The following DHRS3 variants were observed in gnomAD, a reference collection of about 807,000 sequenced individuals.
The protein encoded by DHRS3 is dehydrogenase/reductase 3, also known as short-chain dehydrogenase/reductase 3.
Under a neutral mutation model 27.2 loss-of-function variants are expected in DHRS3, and 14 were observed. The ratio of observed to expected loss-of-function variants is 0.52; its 90% CI spans 0.34 to 0.81. The LOEUF is 0.81. Among genes scored for constraint, DHRS3 ranks in the 30% least tolerant of loss-of-function variants. The pLI, the probability that DHRS3 is intolerant of heterozygous loss-of-function variation, is 0.01. For synonymous variants in DHRS3, 165 were observed against 175.9 expected, an observed-to-expected ratio of 0.94 and a Z score of 0.49; for missense variants, 322 against 406.2, an observed-to-expected ratio of 0.79 and a Z score of 1.78.
At chr1:12,585,737 T>C (rs960508475) in intron 1 of DHRS3, among the ~76,000 whole-genome samples, 8 of 152,310 alleles carry the variant, frequency 5.3e-5, no homozygotes, top group African/African-American at 1.7e-4. Flanking sequence ...CTGCCAGAAT[T>C]CCCTGGAGGT....
At chr1:12,568,823 A>C (rs1481585457) in intron 5 of DHRS3, among the ~76,000 whole-genome samples, 1 of 152,124 alleles carries the variant, frequency 6.6e-6, no homozygotes, top group Non-Finnish European at 1.5e-5. Flanking sequence ...GCTACTGGGG[A>C]GGCTGAGGTG....
chr1:12,579,129 A>G, intron 3 of DHRS3, 164 bp downstream of exon 3: 1 of 1,344,450 alleles, frequency 7.4e-7, no homozygotes, highest in Non-Finnish European at 1.0e-6. Flanking sequence ...ATATTTCACA[A>G]AGTCTGATGT....
Position 12,579,395 on chromosome 1 carries a change from G to A in DHRS3, c.357C>T (p.Ile119=). The change falls in exon 3 of 6, where the codon ATC becomes ATT. Residue 119 remains isoleucine, a synonymous_variant. Transcript: ENST00000616661. The part of the protein sequence containing the change: ...AVREKVGDIT[I]LVNNAAVVHG... ...GGACCACGGCGGCATTGTTCACCAG[G>A]ATGGTGATGTCACCCACCTGCAGGC... 4 of 1,614,118 alleles carry A rather than the reference G, an allele frequency of 2.5e-6. No homozygotes were observed. The highest frequency in any genetic ancestry group is 3.4e-6 in the Non-Finnish European group (4 of 1,179,980).
rs1311989050 is a variant in DHRS3, at chr1:12,617,822, T to A, written c.-474A>T. On this transcript the variant is annotated 5_prime_UTR_variant, in exon 1 of 6. Coordinates refer to ENST00000616661, the MANE Select transcript of DHRS3 (RefSeq NM_004753.7). Reference sequence around the variant, plus strand: ...AAAAAAAAAAAAAAAAAAAGCTGATTCCAAATTGTAGCGCCCCCACCCCCA... The same window carrying A: ...AAAAAAAAAAAAAAAAAAAGCTGATACCAAATTGTAGCGCCCCCACCCCCA... 1.7e-5 allele frequency: 1 copy of A among 58,118 alleles called. No individual in the cohort carries two copies. The highest frequency in any genetic ancestry group is 6.6e-5 in the African/African-American group (1 of 15,068). The allele number at this position is 58,118 out of a possible 1,614,324, so 3.6% of individuals were successfully genotyped here.
intron 1 of DHRS3, chr1:12,616,671 C>T (rs1368126633): frequency 1.0e-6 from 1 of 998,544 alleles, no homozygotes; most frequent in Non-Finnish European, 1.2e-6. Flanking sequence ...CAAGTACCCT[C>T]TCTCGTGTCT....
At chr1:12,571,805 A>G (rs1243570353) in intron 5 of DHRS3, among the ~76,000 whole-genome samples, 2 of 152,278 alleles carry the variant, frequency 1.3e-5, no homozygotes, top group African/African-American at 4.8e-5. Flanking sequence ...AAGTGCTGGG[A>G]TTACAGGCGT....
At chr1:12,612,983 C>T (rs1394528862) in intron 1 of DHRS3, among the ~76,000 whole-genome samples, 1 of 151,900 alleles carries the variant, frequency 6.6e-6, no homozygotes, top group African/African-American at 2.4e-5. Flanking sequence ...TCGCTTGAAT[C>T]TGGGAGGCGG....
At chr1:12,610,067 T>A (rs1386383549) in intron 1 of DHRS3, among the ~76,000 whole-genome samples, 1 of 151,952 alleles carries the variant, frequency 6.6e-6, no homozygotes, top group Non-Finnish European at 1.5e-5. Context: ...GACAATTCAA[T>A]GTTCTGTTTT....
At chr1:12,582,030 T>G (rs1009002187) in intron 1 of DHRS3, among the ~76,000 whole-genome samples, 1 of 152,216 alleles carries the variant, frequency 6.6e-6, no homozygotes, top group African/African-American at 2.4e-5. Context: ...CTCTAAAGGT[T>G]GCTAATGAGA....
In DHRS3 at chr1:12,594,718, G is replaced by T. The variant is rs1570385561; in HGVS notation, c.196-14052C>A. ...TGGGAATGAGCTTCCCCAGCACGGA[G>T]ACCAGTGTGGAAGAGCAAGCGGGAG... On this transcript the variant is annotated intron_variant, in intron 1 of 5. Coordinates refer to ENST00000616661, the MANE Select transcript of DHRS3 (RefSeq NM_004753.7). This position sits in a 1 kb window ranked among gnomAD's most constrained non-coding sequence, Gnocchi z 4.1. Among the ~76,000 whole-genome samples the T allele has an allele frequency of 6.6e-6, 1 of 152,262 alleles. No homozygotes were observed.
At chr1:12,584,316 A>G (rs1311669103) in intron 1 of DHRS3, among the ~76,000 whole-genome samples, 1 of 152,054 alleles carries the variant, frequency 6.6e-6, no homozygotes, top group Non-Finnish European at 1.5e-5. Flanking sequence ...AGGGAGAAGG[A>G]ATGAAGGCTG....
rs1476015323 is a variant in DHRS3, at chr1:12,617,220, G to A, written c.129C>T (p.Ile43=). The A allele has an allele frequency of 5.6e-6, 9 of 1,613,606 alleles. No homozygotes were observed. The highest frequency in any genetic ancestry group is 7.6e-6 in the Non-Finnish European group (9 of 1,179,960). ...GCCCGATGCCTCTCCCGCCGCCGGT[G>A]ATGAGGACGTTCTCCCGCGACAGGT... ...LRDLSRENVL[I]TGGGRGIGRQ... Residue 43 remains isoleucine (I), a synonymous_variant, in exon 1 of 6, where the codon ATC becomes ATT. Coordinates refer to ENST00000616661, the MANE Select transcript of DHRS3 (RefSeq NM_004753.7).
rs1035568072 is a variant in DHRS3 at position 12,591,221 on chromosome 1, C to G, written c.196-10555G>C. 6.6e-6 allele frequency among the ~76,000 whole-genome samples: 1 copy of G among 152,224 alleles called. No individual in the cohort carries two copies. The highest frequency in any genetic ancestry group is 2.4e-5 in the African/African-American group (1 of 41,464). ...GTTACAGGTGCCCCACGGCTGACCC[C>G]AGGAGGTCAGAGGTGACAGAAGCCA... On this transcript the variant is annotated intron_variant, in intron 1 of 5. Transcript: ENST00000616661. This position sits in a 1 kb window ranked among gnomAD's most constrained non-coding sequence, Gnocchi z 4.1.
intron 1 of DHRS3, among the ~76,000 whole-genome samples, chr1:12,616,192 C>A (rs549951766): frequency 2.6e-5 from 4 of 152,358 alleles, no homozygotes; most frequent in Admixed American, 6.5e-5. Flanking sequence ...CTTTCACCCC[C>A]CTAGTTCACA....
chr1:12,617,441 A>G lies in DHRS3; in HGVS notation c.-93T>C. Reference sequence around the variant, plus strand: ...ACCCCGAACAATAAATAGTAAACCGAATAAGGAGGAGAGAGGCGTCCCACC... The same window carrying G: ...ACCCCGAACAATAAATAGTAAACCGGATAAGGAGGAGAGAGGCGTCCCACC... On this transcript the variant is annotated 5_prime_UTR_variant, in exon 1 of 6. Transcript: ENST00000616661. 1 of 1,385,552 alleles carries G rather than the reference A, an allele frequency of 7.2e-7. No homozygotes were observed. The highest frequency in any genetic ancestry group is 1.4e-5 in the South Asian group (1 of 70,164). 85.8% of individuals were successfully genotyped at this position (1,385,552 alleles called of 1,614,324 possible).
chr1:12,583,627 ATCCATCCC>A (rs1160524301), intron 1 of DHRS3, among the ~76,000 whole-genome samples: 35 of 128,772 alleles, frequency 2.7e-4, no homozygotes, highest in Admixed American at 3.1e-4. Context: ...CCATCCATCC[ATCCATCCC>A]TCCCTCACAT....
chr1:12,603,758 A>G (rs561142237), intron 1 of DHRS3, among the ~76,000 whole-genome samples: 72 of 152,346 alleles, frequency 4.7e-4, no homozygotes, highest in African/African-American at 1.7e-3. Context: ...AAGAGGATTT[A>G]AGGCCACATT....
intron 1 of DHRS3, among the ~76,000 whole-genome samples, chr1:12,584,212 G>A (rs1037424154): frequency 6.6e-6 from 1 of 152,060 alleles, no homozygotes; most frequent in Non-Finnish European, 1.5e-5. Flanking sequence ...TTGCAGGAAG[G>A]TATAGGGTTC....
chr1:12,579,637 G>A, intron 2 of DHRS3: 3 of 463,362 alleles, frequency 6.5e-6, no homozygotes, highest in Non-Finnish European at 1.1e-5. Flanking sequence ...CACCATGCCT[G>A]GCTAATTTTT....
Sources: gnomAD v4.1 joint callset for allele counts (sites outside exome capture counted in the v4.1 genomes callset) on GRCh38, gnomAD v4.1.1 for gene constraint, Gnocchi (gnomAD v3.1) non-coding constraint, MANE v1.5 for transcripts, NCBI Gene and HGNC (gene_info 2026-07-23, HGNC 2026-07-21) for gene names.